CSTPP1: variants seen among roughly 807,000 people sequenced by gnomAD.
CSTPP1 encodes the protein UPF0705 protein C11orf49.
chr11:47,105,045 A>C, the CSTPP1 span, among the ~76,000 whole-genome samples: 1 of 152,156 alleles, frequency 6.6e-6, no homozygotes, highest in Non-Finnish European at 1.5e-5. Flanking sequence ...TCCATCAGTT[A>C]CCCCAGATAA....
At chr11:46,989,506 GA>G in the CSTPP1 span, among the ~76,000 whole-genome samples, 1 of 152,030 alleles carries the variant, frequency 6.6e-6, no homozygotes. Flanking sequence ...TCAGTATGTT[GA>G]CCAGGCTGGT....
the CSTPP1 span, chr11:47,157,021 A>G: frequency 2.5e-5 from 41 of 1,613,746 alleles, 1 homozygote; most frequent in Non-Finnish European, 3.1e-5. Flanking sequence ...CCACGGTTCC[A>G]GAATTCCTGG....
At chr11:47,161,173 T>C in the CSTPP1 span, 34 of 1,614,124 alleles carry the variant, frequency 2.1e-5, no homozygotes, top group Non-Finnish European at 2.8e-5. Context: ...CAGCAATGGA[T>C]GAAGAGCTGG....
chr11:47,050,962 T>C, the CSTPP1 span, among the ~76,000 whole-genome samples: 1 of 152,190 alleles, frequency 6.6e-6, no homozygotes. Flanking sequence ...CTGTTACTAT[T>C]AGGAAGGAAC....
At chr11:47,076,980 A>G in the CSTPP1 span, among the ~76,000 whole-genome samples, 1 of 143,856 alleles carries the variant, frequency 7.0e-6, no homozygotes, top group Non-Finnish European at 1.5e-5. Flanking sequence ...AAAAAAAAAG[A>G]AAACTGAAGG....
At chr11:47,124,281 G>A in the CSTPP1 span, among the ~76,000 whole-genome samples, 7 of 151,362 alleles carry the variant, frequency 4.6e-5, no homozygotes, top group Admixed American at 4.0e-4. Flanking sequence ...GTGCCACCAC[G>A]CCTGGCTAGT....
the CSTPP1 span, among the ~76,000 whole-genome samples, chr11:47,123,900 C>T: frequency 2.6e-5 from 4 of 151,352 alleles, no homozygotes; most frequent in South Asian, 4.2e-4. Flanking sequence ...TGCAGTGAGC[C>T]GAGATCATGC....
the CSTPP1 span, among the ~76,000 whole-genome samples, chr11:47,138,803 C>T: frequency 1.3e-5 from 2 of 151,986 alleles, no homozygotes; most frequent in Admixed American, 6.6e-5. Flanking sequence ...CATGGCGAAA[C>T]TCCATCTCTA....
At chr11:46,987,074 A>G in the CSTPP1 span, 1 of 765,852 alleles carries the variant, frequency 1.3e-6, no homozygotes, top group Non-Finnish European at 2.2e-6. Flanking sequence ...TGCCTATTCC[A>G]GTCCACTGAT....
the CSTPP1 span, chr11:47,041,377 A>G: frequency 2.0e-5 from 5 of 247,538 alleles, no homozygotes; most frequent in South Asian, 1.7e-4. Context: ...GTTTGCTGAC[A>G]AAGTAGATGA....
chr11:47,147,717 G>A, the CSTPP1 span, among the ~76,000 whole-genome samples: 1 of 152,192 alleles, frequency 6.6e-6, no homozygotes. Context: ...ACTAGCGTCA[G>A]AGAGGCCTGT....
At chr11:46,985,005 G>C in the CSTPP1 span, among the ~76,000 whole-genome samples, 1 of 149,364 alleles carries the variant, frequency 6.7e-6, no homozygotes, top group African/African-American at 2.4e-5. Flanking sequence ...TTCACTCTTA[G>C]TTTTGGCCGT....
At chr11:46,967,727 T>C in the CSTPP1 span, among the ~76,000 whole-genome samples, 1 of 151,594 alleles carries the variant, frequency 6.6e-6, no homozygotes, top group Non-Finnish European at 1.5e-5. Context: ...TGGGTATATT[T>C]AATGAGGTAA....
At chr11:47,111,492 T>C in the CSTPP1 span, among the ~76,000 whole-genome samples, 1 of 152,150 alleles carries the variant, frequency 6.6e-6, no homozygotes, top group South Asian at 2.1e-4. Flanking sequence ...CCATGCTCCA[T>C]TGCTTTCTCT....
chr11:47,151,400 CA>C, the CSTPP1 span, among the ~76,000 whole-genome samples: 4,363 of 137,250 alleles, frequency 0.032, 178 homozygotes, highest in African/African-American at 0.11. Flanking sequence ...GACTCCATCT[CA>C]AAAAAAAAAA....
the CSTPP1 span, among the ~76,000 whole-genome samples, chr11:47,038,346 T>A: frequency 1.4e-5 from 1 of 69,662 alleles, no homozygotes; most frequent in African/African-American, 4.2e-5. Context: ...CCCACCTCCC[T>A]CCTGGACGGA....
chr11:47,082,524 T>C, the CSTPP1 span, among the ~76,000 whole-genome samples: 1 of 152,208 alleles, frequency 6.6e-6, no homozygotes, highest in Non-Finnish European at 1.5e-5. Flanking sequence ...TAAGTGGTTC[T>C]TTAAAAATTA....
the CSTPP1 span, among the ~76,000 whole-genome samples, chr11:47,150,870 G>A: frequency 3.4e-5 from 5 of 148,158 alleles, no homozygotes; most frequent in Non-Finnish European, 7.4e-5. Flanking sequence ...AGGGCAATGG[G>A]AAGACTGTGA....
At chr11:46,993,184 G>A in the CSTPP1 span, among the ~76,000 whole-genome samples, 2 of 152,126 alleles carry the variant, frequency 1.3e-5, no homozygotes, top group Admixed American at 6.5e-5. Context: ...CCATTCTGTA[G>A]GTTGCCTGTT....
Sources: allele counts gnomAD v4.1 joint callset (sites outside exome capture counted in the v4.1 genomes callset), GRCh38; gene constraint gnomAD v4.1.1; transcripts MANE v1.5; gene names NCBI Gene and HGNC (gene_info 2026-07-23, HGNC 2026-07-21).